The following TBC1D12 variants were observed in gnomAD, a reference collection of about 807,000 sequenced individuals.
TBC1D12 encodes the protein TBC1 domain family, member 12.
A neutral mutation model predicts 86.7 loss-of-function variants in TBC1D12; 56 were observed. That is an observed-to-expected ratio of 0.65 (90% CI 0.52 to 0.81). The LOEUF (loss-of-function observed/expected upper bound fraction) is 0.81. Ranked by LOEUF, TBC1D12 falls within the 30% of genes least tolerant of loss-of-function variation. TBC1D12 has a pLI of 0.00. For synonymous variants in TBC1D12, 421 were observed against 411.7 expected, an observed-to-expected ratio of 1.02 and a Z score of -0.27; for missense variants, 1,023 against 1,038.8, an observed-to-expected ratio of 0.98 and a Z score of 0.21.
chr10:94,472,231 C>T (rs1313368046), intron 2 of TBC1D12, among the ~76,000 whole-genome samples: 1 of 152,182 alleles, frequency 6.6e-6, no homozygotes, highest in Non-Finnish European at 1.5e-5. Context: ...CTAAGGAGAT[C>T]CCATCTCTAC....
At chr10:94,508,331 T>C (rs2056486240) in intron 7 of TBC1D12, 1 of 151,982 alleles carries the variant, frequency 6.6e-6, no homozygotes, top group Admixed American at 6.6e-5. Context: ...ATGGGGTCTC[T>C]CTATGTTTCC....
chr10:94,409,621 C>T (rs2054904373), intron 1 of TBC1D12, among the ~76,000 whole-genome samples: 3 of 152,052 alleles, frequency 2.0e-5, no homozygotes, highest in African/African-American at 4.8e-5. Context: ...AGTGATCTGC[C>T]CGCTTTGGCC....
At chr10:94,510,022 C>T (rs933783647) in intron 7 of TBC1D12, 69 bp from the exon 8 acceptor site, 9 of 1,055,822 alleles carry the variant, frequency 8.5e-6, no homozygotes, top group East Asian at 2.4e-5. Context: ...TGTGATCATT[C>T]TGTATTTATA....
intron 7 of TBC1D12, 85 bp downstream of exon 7, chr10:94,507,432 A>G (rs2056473639): frequency 8.5e-7 from 1 of 1,174,620 alleles, no homozygotes; most frequent in Non-Finnish European, 1.2e-6. Context: ...ATCGCTTTAC[A>G]TATATCATCT....
At chr10:94,449,463 C>T (rs1030635894) in intron 2 of TBC1D12, among the ~76,000 whole-genome samples, 2 of 152,120 alleles carry the variant, frequency 1.3e-5, no homozygotes, top group African/African-American at 4.8e-5. Flanking sequence ...TCTATAAAGA[C>T]ATCATAATCA....
intron 11 of TBC1D12, among the ~76,000 whole-genome samples, chr10:94,523,108 G>A (rs1056768825): frequency 7.4e-6 from 1 of 134,900 alleles, no homozygotes; most frequent in African/African-American, 2.7e-5. Flanking sequence ...CAGGACAATT[G>A]TTGGAACCTG....
At chr10:94,500,386 T>C in intron 6 of TBC1D12, 59 bp downstream of exon 6, 1 of 1,425,642 alleles carries the variant, frequency 7.0e-7, no homozygotes, top group Non-Finnish European at 9.7e-7. Flanking sequence ...CAGAGTTACA[T>C]AGCAGATTAG....
chr10:94,451,852 G>C (rs1028328013), intron 2 of TBC1D12, among the ~76,000 whole-genome samples: 11 of 151,848 alleles, frequency 7.2e-5, no homozygotes, highest in Admixed American at 6.6e-5. Context: ...ATGTTTCTTG[G>C]GCATTATATG....
intron 6 of TBC1D12, among the ~76,000 whole-genome samples, chr10:94,505,756 G>A (rs2056451483): frequency 6.6e-6 from 1 of 152,028 alleles, no homozygotes; most frequent in Non-Finnish European, 1.5e-5. Flanking sequence ...AAGAATACTC[G>A]TTATGGTATA....
chr10:94,435,306 A>C (rs1227973261), intron 1 of TBC1D12, among the ~76,000 whole-genome samples: 1 of 152,076 alleles, frequency 6.6e-6, no homozygotes, highest in Non-Finnish European at 1.5e-5. Flanking sequence ...TGTAAATATC[A>C]AAACAAATTT....
chr10:94,426,397 G>T (rs1283335923), intron 1 of TBC1D12, among the ~76,000 whole-genome samples: 2 of 151,872 alleles, frequency 1.3e-5, no homozygotes, highest in East Asian at 3.9e-4. Flanking sequence ...TATTTTATTA[G>T]TATTGCCAAA....
At chr10:94,458,031 T>C (rs2055654289) in intron 2 of TBC1D12, among the ~76,000 whole-genome samples, 1 of 152,126 alleles carries the variant, frequency 6.6e-6, no homozygotes, top group Admixed American at 6.5e-5. Flanking sequence ...AACACATTAT[T>C]GATGTTATTA....
rs755379761 is a variant in TBC1D12, at chr10:94,402,880, G to A, written c.267G>A (p.Pro89=). 2.0e-6 allele frequency: 3 copies of A among 1,504,948 alleles called. No homozygotes were observed. The highest frequency in any genetic ancestry group is 1.8e-6 in the Non-Finnish European group (2 of 1,131,632). 93.2% of individuals were successfully genotyped at this position (1,504,948 alleles called of 1,614,324 possible). ...EQLEPGLCYC[P]LPAGQAGAPP... ...TGGAGCCGGGGCTCTGCTACTGTCC[G>A]CTCCCCGCTGGCCAGGCCGGCGCCC... The change falls in exon 1 of 13, where the codon CCG becomes CCA. Residue 89 remains proline, a synonymous_variant. Coordinates refer to ENST00000225235, the MANE Select transcript of TBC1D12 (RefSeq NM_015188.2).
intron 11 of TBC1D12, among the ~76,000 whole-genome samples, chr10:94,529,200 G>T (rs1007084942): frequency 2.6e-5 from 4 of 152,092 alleles, no homozygotes; most frequent in African/African-American, 9.7e-5. Context: ...TAGAGATGGG[G>T]TCTCACTATG....
intron 11 of TBC1D12, among the ~76,000 whole-genome samples, chr10:94,528,686 G>GA (rs1842355844): frequency 6.6e-6 from 1 of 152,030 alleles, no homozygotes; most frequent in Non-Finnish European, 1.5e-5. Context: ...GCCAGGTGTG[G>GA]TGGCAGGCAC....
Position 94,403,476 on chromosome 10 carries a change from A to T in TBC1D12, c.863A>T (p.His288Leu). 1 of 1,542,098 alleles carries T rather than the reference A, an allele frequency of 6.5e-7. No individual in the cohort carries two copies. The highest frequency in any genetic ancestry group is 8.7e-7 in the Non-Finnish European group (1 of 1,144,842). ...AGCCGCGGTCAGAGCGCCCGCGATC[A>T]CCTGCCCCCGGCGGGGCCGCCGGTG... is the stretch of plus-strand genomic sequence containing the variant. ...QVSRGQSARDHLPPAGPPVPL... is the reference protein window; with the variant it reads ...QVSRGQSARDLLPPAGPPVPL... The change falls in exon 1 of 13, where the codon CAC becomes CTC. Residue 288 changes from histidine (H) to leucine (L), a missense_variant. This residue lies in a region of TBC1D12 where 628 missense variants were observed against 531.1 expected (regional missense o/e 1.18). Transcript: ENST00000225235.
chr10:94,458,107 C>T (rs11187960), intron 2 of TBC1D12, among the ~76,000 whole-genome samples: 42,377 of 151,960 alleles, frequency 0.28, 7,378 homozygotes, highest in Admixed American at 0.43. Context: ...GAAAGGCAAT[C>T]CCCACTGTGG....
At position 94,490,871 on chromosome 10, in the gene TBC1D12, T is replaced by C. The variant is rs190391938; in HGVS notation, c.1212-2494T>C. Among the ~76,000 whole-genome samples the C allele has an allele frequency of 5.3e-5, 8 of 152,174 alleles. No individual in the cohort carries two copies. The East Asian group carries it at 1.4e-3, about 26-fold the overall frequency. ...CTTTAAGAATGTCCTATTTTTTTTTTCTCTGGTGGTTCTTTCTCTGGCTGT... is the reference window on the plus strand; with the variant it reads ...CTTTAAGAATGTCCTATTTTTTTTTCCTCTGGTGGTTCTTTCTCTGGCTGT... On this transcript the variant is annotated intron_variant, in intron 3 of 12. Coordinates refer to ENST00000225235, the MANE Select transcript of TBC1D12 (RefSeq NM_015188.2).
intron 2 of TBC1D12, among the ~76,000 whole-genome samples, chr10:94,471,693 T>A (rs1464085016): frequency 6.6e-6 from 1 of 152,198 alleles, no homozygotes; most frequent in East Asian, 1.9e-4. Flanking sequence ...TGGCCATGAG[T>A]GATCTCTCAT....
Sources: allele counts gnomAD v4.1 joint callset (sites outside exome capture counted in the v4.1 genomes callset), GRCh38; gene constraint gnomAD v4.1.1; regional missense constraint gnomAD v4.1.1; transcripts MANE v1.5; gene names NCBI Gene and HGNC (gene_info 2026-07-23, HGNC 2026-07-21).